The following GM2A variants were observed in gnomAD, a reference collection of about 807,000 sequenced individuals.
GM2A encodes the protein ganglioside GM2 activator.
GM2A carries 7 observed loss-of-function variants against 12.9 expected under a neutral mutation model. The ratio of observed to expected loss-of-function variants is 0.54; its 90% CI spans 0.31 to 1.02. GM2A has a LOEUF of 1.02. GM2A is among the 50% of genes least tolerant of loss of function. GM2A has a pLI of 0.05. For synonymous variants in GM2A, 101 were observed against 96.0 expected, an observed-to-expected ratio of 1.05 and a Z score of -0.30; for missense variants, 246 against 241.0, an observed-to-expected ratio of 1.02 and a Z score of -0.14.
intron 1 of GM2A, among the ~76,000 whole-genome samples, chr5:151,253,934 T>C (rs1226371180): frequency 6.6e-6 from 1 of 152,200 alleles, no homozygotes; most frequent in African/African-American, 2.4e-5. Context: ...AGTTCTGTAA[T>C]CCCTTCACCT....
At chr5:151,266,447 C>CAAAAAAAAAAAAAAAAAAAAAAAAAA (rs59997121) in intron 2 of GM2A, among the ~76,000 whole-genome samples, 1 of 106,140 alleles carries the variant, frequency 9.4e-6, no homozygotes. Flanking sequence ...AGCCATGATA[C>CAAAAAAAAAAAAAAAAAAAAAAAAAA]AAAAAAAAAA....
chr5:151,260,000 G>A (rs1219513273), intron 2 of GM2A, 84 bp downstream of exon 2: 9 of 1,029,410 alleles, frequency 8.7e-6, no homozygotes, highest in African/African-American at 6.4e-5. Context: ...GGGGAACTGT[G>A]AAGAATTTCA....
Position 151,259,769 on chromosome 5 carries a change from T to C in GM2A, c.96T>C (p.Ser32=). 1 of 1,613,986 alleles carries C rather than the reference T, an allele frequency of 6.2e-7. No individual in the cohort carries two copies. Among genetic ancestry groups the C allele is most frequent in the South Asian group, 1.1e-5 (1 of 91,076 alleles). Residue 32 remains serine (S), a synonymous_variant, in exon 2 of 4, where the codon AGT becomes AGC. Coordinates refer to ENST00000357164, the MANE Select transcript of GM2A (RefSeq NM_000405.5). ...QAHLKKPSQL[S]SFSWDNCDEG... ...ATTGTCCCCAGCCATCCCAGCTCAG[T>C]AGCTTTTCCTGGGATAACTGTGATG...
At position 151,266,905 on chromosome 5, in the gene GM2A, T is replaced by G. The variant is rs755853603; in HGVS notation, c.418T>G (p.Phe140Val). The change falls in exon 3 of 4, where the codon TTC becomes GTC. Residue 140 changes from phenylalanine to valine, a missense_variant. Transcript: ENST00000357164. ...CTATGGGCTTCCTTGCCACTGTCCC[T>G]TCAAAGAAGTAAGTACTTAGGGAGG... is the stretch of plus-strand genomic sequence containing the variant. ...RTYGLPCHCPFKEGTYSLPKS... is the reference protein window; with the variant it reads ...RTYGLPCHCPVKEGTYSLPKS... 4 of 1,612,764 alleles carry G rather than the reference T, an allele frequency of 2.5e-6. No homozygotes were observed. The highest frequency in any genetic ancestry group is 3.4e-6 in the Non-Finnish European group (4 of 1,178,842).
intron 2 of GM2A, among the ~76,000 whole-genome samples, chr5:151,263,616 A>T (rs984008115): frequency 1.3e-5 from 2 of 151,948 alleles, no homozygotes; most frequent in Non-Finnish European, 2.9e-5. Flanking sequence ...ACTGGCAGGG[A>T]GGTAGACTTG....
intron 2 of GM2A, among the ~76,000 whole-genome samples, chr5:151,266,398 G>A (rs893146670): frequency 2.1e-5 from 3 of 145,038 alleles, no homozygotes; most frequent in South Asian, 2.3e-4. Context: ...CAGGAGGATC[G>A]TCTGAGCCCA....
At chr5:151,256,972 T>G (rs1342430874) in intron 1 of GM2A, among the ~76,000 whole-genome samples, 2 of 152,112 alleles carry the variant, frequency 1.3e-5, no homozygotes, top group Non-Finnish European at 2.9e-5. Context: ...CATCTTACCC[T>G]CACAATAGCC....
In GM2A at chr5:151,266,785, A is replaced by G; in HGVS notation, c.298A>G (p.Thr100Ala). The change falls in exon 3 of 4, where the codon ACA becomes GCA. Residue 100 changes from threonine (T) to alanine (A), a missense_variant. Transcript: ENST00000357164. ...TGGCCTCTGGATCAAGATCCCATGC[A>G]CAGACTACATTGGCAGCTGTACCTT... ...VAGLWIKIPC[T>A]DYIGSCTFEH... is the part of the protein sequence containing the mutation. 1 of 1,613,896 alleles carries G rather than the reference A, an allele frequency of 6.2e-7. No individual in the cohort carries two copies. The highest frequency in any genetic ancestry group is 8.5e-7 in the Non-Finnish European group (1 of 1,179,794).
chr5:151,267,826 T>G lies in GM2A; in HGVS notation c.*375T>G. On this transcript the variant is annotated 3_prime_UTR_variant, in exon 4 of 4. Transcript: ENST00000357164. ...CTCTCTCTTTCACTCTTTTTTTTTT[T>G]TGTCACTAAGTTAAAAGCGAAGTGA... The G allele has an allele frequency of 8.5e-7, 1 of 1,173,876 alleles. No individual in the cohort carries two copies. Among genetic ancestry groups the G allele is most frequent in the East Asian group, 5.9e-5 (1 of 17,012 alleles). 72.7% of individuals were successfully genotyped at this position (1,173,876 alleles called of 1,614,324 possible). A position where few individuals can be genotyped will look rare whatever the true frequency, so the allele number is the denominator to read the frequency against.
At chr5:151,265,075 A>C (rs1483943166) in intron 2 of GM2A, among the ~76,000 whole-genome samples, 1 of 152,166 alleles carries the variant, frequency 6.6e-6, no homozygotes, top group East Asian at 1.9e-4. Context: ...CAGAACTAGC[A>C]TTCCAACCTA....
chr5:151,255,056 C>T (rs980428219), intron 1 of GM2A, among the ~76,000 whole-genome samples: 1 of 152,150 alleles, frequency 6.6e-6, no homozygotes, highest in African/African-American at 2.4e-5. Flanking sequence ...AATCCCAGGA[C>T]TTTGGGAGGC....
chr5:151,269,236 T>A lies in GM2A; in HGVS notation c.*1785T>A, dbSNP rs1753960169. 1 of 985,334 alleles carries A rather than the reference T, an allele frequency of 1.0e-6. No individual in the cohort carries two copies. The highest frequency in any genetic ancestry group is 4.7e-5 in the South Asian group (1 of 21,298). The allele number at this position is 985,334 out of a possible 1,614,324, so 61.0% of individuals were successfully genotyped here. ...GGAATAGCAATAAATCTTTTTAACTTGCGGACAGTTTCCCCTTGCCTTGGC... is the reference window on the plus strand; with the variant it reads ...GGAATAGCAATAAATCTTTTTAACTAGCGGACAGTTTCCCCTTGCCTTGGC... On this transcript the variant is annotated 3_prime_UTR_variant, in exon 4 of 4. Coordinates refer to ENST00000357164, the MANE Select transcript of GM2A (RefSeq NM_000405.5).
intron 1 of GM2A, among the ~76,000 whole-genome samples, chr5:151,254,091 A>G (rs1419256629): frequency 6.6e-6 from 1 of 152,172 alleles, no homozygotes; most frequent in African/African-American, 2.4e-5. Context: ...TATGCATTCA[A>G]TTTGATGGAT....
chr5:151,270,437 C>A lies in GM2A; in HGVS notation c.*2986C>A. ...AAATTTATCCAGCCTATATAATAGA[C>A]AAACAGTTAGTGTTCTTACTATATA... On this transcript the variant is annotated 3_prime_UTR_variant, in exon 4 of 4. Coordinates refer to ENST00000357164, the MANE Select transcript of GM2A (RefSeq NM_000405.5). The A allele has an allele frequency of 2.5e-6, 1 of 398,056 alleles. No homozygotes were observed. The highest frequency in any genetic ancestry group is 4.4e-6 in the Non-Finnish European group (1 of 225,964). The allele number at this position is 398,056 out of a possible 1,614,324, so 24.7% of individuals were successfully genotyped here.
In GM2A at chr5:151,267,319, C is replaced by T. The variant is rs755569739; in HGVS notation, c.450C>T (p.Ser150=). Residue 150 remains serine (S), a synonymous_variant, in exon 4 of 4, where the codon AGC becomes AGT. Transcript: ENST00000357164. ...AGGGAACCTACTCACTGCCCAAGAG[C>T]GAATTCGTTGTGCCTGACCTGGAGC... ...FKEGTYSLPK[S]EFVVPDLELP... The T allele has an allele frequency of 1.2e-5, 20 of 1,613,998 alleles. No homozygotes were observed. The East Asian group carries it at 3.1e-4, about 25-fold the overall frequency.
rs555479201 is a variant in GM2A, at chr5:151,262,289, G to A, written c.243+2373G>A. Among the ~76,000 whole-genome samples, 4 of 152,264 alleles carry A rather than the reference G, an allele frequency of 2.6e-5. No individual in the cohort carries two copies. The East Asian group carries it at 7.7e-4, about 29-fold the overall frequency. On this transcript the variant is annotated intron_variant, in intron 2 of 3. Transcript: ENST00000357164. ...TGCCCTTCAGTCTGTTCCTGATCCAGATCTATTCTAGTACCAGTTTTGTGT... is the reference window on the plus strand; with the variant it reads ...TGCCCTTCAGTCTGTTCCTGATCCAAATCTATTCTAGTACCAGTTTTGTGT...
Position 151,267,820 on chromosome 5 carries a change from T to C in GM2A, c.*369T>C. On this transcript the variant is annotated 3_prime_UTR_variant, in exon 4 of 4. Coordinates refer to ENST00000357164, the MANE Select transcript of GM2A (RefSeq NM_000405.5). ...ATGACTCTCTCTCTTTCACTCTTTT[T>C]TTTTTTTGTCACTAAGTTAAAAGCG... 8.5e-7 allele frequency: 1 copy of C among 1,175,768 alleles called. No individual in the cohort carries two copies. Among genetic ancestry groups the C allele is most frequent in the Non-Finnish European group, 1.1e-6 (1 of 936,982 alleles). The allele number at this position is 1,175,768 out of a possible 1,614,324, so 72.8% of individuals were successfully genotyped here.
chr5:151,259,200 G>A (rs1393070398), intron 1 of GM2A, among the ~76,000 whole-genome samples: 1 of 152,220 alleles, frequency 6.6e-6, no homozygotes, highest in Non-Finnish European at 1.5e-5. Context: ...CTTTTCATGA[G>A]TGTCCTATTC....
In GM2A at chr5:151,259,841, C is replaced by A; in HGVS notation, c.168C>A (p.Asp56Glu). 6.2e-7 allele frequency: 1 copy of A among 1,612,622 alleles called. No individual in the cohort carries two copies. Among genetic ancestry groups the A allele is most frequent in the Non-Finnish European group, 8.5e-7 (1 of 1,178,650 alleles). ...AVIRSLTLEP[D>E]PIIVPGNVTL... ...TCAGAAGCCTGACTCTGGAGCCTGA[C>A]CCCATCATCGTTCCTGGAAATGTGA... Residue 56 changes from aspartate (D) to glutamate (E), a missense_variant, in exon 2 of 4, where the codon GAC (aspartate) becomes GAA (glutamate). Physicochemically the swap from Asp to Glu is conservative, Grantham distance 45. Transcript: ENST00000357164.
Sources: gnomAD v4.1 joint callset for allele counts (sites outside exome capture counted in the v4.1 genomes callset) on GRCh38, gnomAD v4.1.1 for gene constraint, MANE v1.5 for transcripts, NCBI Gene and HGNC (gene_info 2026-07-23, HGNC 2026-07-21) for gene names.